Variants in PAPOLG observed in about 807,000 individuals in gnomAD.
PAPOLG encodes poly(A) polymerase gamma.
PAPOLG carries 40 observed loss-of-function variants against 99.0 expected under a neutral mutation model. The observed-to-expected ratio is 0.40, with a 90% confidence interval of 0.31 to 0.53. The LOEUF (loss-of-function observed/expected upper bound fraction) is 0.53, where lower values mean the gene tolerates loss of function less well. Among genes scored for constraint, PAPOLG ranks in the 20% least tolerant of loss-of-function variants. The probability of loss-of-function intolerance (pLI) is 0.41; values close to 1 mark genes in which losing one functional copy is unlikely to be tolerated. For missense variants in PAPOLG, 675 were observed against 884.1 expected (o/e 0.76, Z 3.00); for synonymous variants, 310 against 299.3 (o/e 1.04, Z -0.37).
chr2:60,787,348 A>T (rs1022106402), intron 14 of PAPOLG, 163 bp from the exon 15 acceptor site: 1 of 445,978 alleles, frequency 2.2e-6, no homozygotes, highest in East Asian at 1.6e-4. Context: ...AACAGGGGAT[A>T]ACTTACCAGT....
chr2:60,782,419 T>A (rs1671216280), intron 11 of PAPOLG, among the ~76,000 whole-genome samples: 1 of 151,840 alleles, frequency 6.6e-6, no homozygotes, highest in African/African-American at 2.4e-5. Context: ...TAGCCGGAAG[T>A]GGTGGTGGGC....
chr2:60,783,267 T>C (rs1419512374), intron 13 of PAPOLG, 58 bp downstream of exon 13: 5 of 1,041,934 alleles, frequency 4.8e-6, no homozygotes, highest in Non-Finnish European at 7.0e-6. Flanking sequence ...CTTATTTATA[T>C]GGTGCTTTAC....
At chr2:60,770,416 G>T in intron 5 of PAPOLG, 42 bp from the exon 6 acceptor site, 2 of 1,512,184 alleles carry the variant, frequency 1.3e-6, no homozygotes, top group Non-Finnish European at 1.8e-6. Flanking sequence ...GGATAAAGAA[G>T]GGATTACACC....
Position 60,794,901 on chromosome 2 carries a change from T to G in PAPOLG, c.2056-63T>G. On this transcript the variant is annotated intron_variant, in intron 20 of 21. Coordinates refer to ENST00000238714, the MANE Select transcript of PAPOLG (RefSeq NM_022894.4). ...GGTTTTCGTTAGGTTTTATTTTAAG[T>G]AGAAATAAGTGTTTGCATATAGGAA... 4.4e-6 allele frequency: 7 copies of G among 1,590,616 alleles called. No homozygotes were observed. The highest frequency in any genetic ancestry group is 5.2e-6 in the Non-Finnish European group (6 of 1,164,542).
At position 60,801,768 on chromosome 2, in the gene PAPOLG, A is replaced by G. The variant is rs1246928421; in HGVS notation, c.*4608A>G. On this transcript the variant is annotated 3_prime_UTR_variant, in exon 22 of 22. Transcript: ENST00000238714. ...TTTTTTCTGAAATAATTTTTCGGAT[A>G]TACTTTTATATTTGAAATTAGTTGA... 1 of 152,222 alleles carries G rather than the reference A, an allele frequency of 6.6e-6. No individual in the cohort carries two copies. The highest frequency in any genetic ancestry group is 6.5e-5 in the Admixed American group (1 of 15,270). 9.4% of individuals were successfully genotyped at this position (152,222 alleles called of 1,614,324 possible). A position where few individuals can be genotyped will look rare whatever the true frequency, so the allele number is the denominator to read the frequency against.
In PAPOLG at chr2:60,760,117, C is replaced by A; in HGVS notation, c.18-17C>A. 6.2e-7 allele frequency: 1 copy of A among 1,608,900 alleles called. No individual in the cohort carries two copies. Among genetic ancestry groups the A allele is most frequent in the Non-Finnish European group, 8.5e-7 (1 of 1,177,784 alleles). ...ACTTTAAATTTTTTGTTTCATTTTT[C>A]TTATTTTCTTGAACAGAAACACCGT... On this transcript the variant is annotated splice_polypyrimidine_tract_variant and intron_variant, in intron 1 of 21. Transcript: ENST00000238714.
intron 3 of PAPOLG, among the ~76,000 whole-genome samples, chr2:60,763,786 G>A (rs1670592948): frequency 6.6e-6 from 1 of 151,170 alleles, no homozygotes; most frequent in Non-Finnish European, 1.5e-5. Flanking sequence ...TTACAGGTGT[G>A]AGCCATCACA....
chr2:60,789,048 A>G (rs1013649630), intron 15 of PAPOLG, among the ~76,000 whole-genome samples: 9 of 152,230 alleles, frequency 5.9e-5, no homozygotes, highest in African/African-American at 2.2e-4. Flanking sequence ...GAAATTGGAA[A>G]TCATCATTCT....
chr2:60,779,365 A>G lies in PAPOLG; in HGVS notation c.695-272A>G, dbSNP rs190047879. 7.9e-4 allele frequency among the ~76,000 whole-genome samples: 120 copies of G among 152,358 alleles called. No homozygotes were observed. In the Middle Eastern group the frequency reaches 0.017, roughly 22 times the overall value. ...CCAGTTGGGCAGTTGGAACTGAGGC[A>G]AAGAACTGAGGTGTCTGTATTAGAA... On this transcript the variant is annotated intron_variant, in intron 8 of 21. Transcript: ENST00000238714.
chr2:60,794,934 T>C, intron 20 of PAPOLG, 30 bp from the exon 21 acceptor site: 1 of 1,609,092 alleles, frequency 6.2e-7, no homozygotes, highest in Non-Finnish European at 8.5e-7. Context: ...GAAAGTTAGT[T>C]TTCACTTGTG....
intron 3 of PAPOLG, 106 bp from the exon 4 acceptor site, chr2:60,768,364 A>G: frequency 1.7e-6 from 2 of 1,157,354 alleles, no homozygotes; most frequent in Non-Finnish European, 2.5e-6. Flanking sequence ...GGCCTCCTAT[A>G]GTGCTGGGAT....
At chr2:60,778,086 C>T (rs1007559967) in intron 8 of PAPOLG, among the ~76,000 whole-genome samples, 1 of 152,162 alleles carries the variant, frequency 6.6e-6, no homozygotes, top group Non-Finnish European at 1.5e-5. Context: ...TTGTAAAAAA[C>T]TCAGTATCTG....
rs776435633 is a variant in PAPOLG, at chr2:60,783,146, A to T, written c.1113-10A>T. On this transcript the variant is annotated splice_polypyrimidine_tract_variant and intron_variant, in intron 12 of 21. Transcript: ENST00000238714. ...GCTTTTTTTCCTGATTGTTGCTGAA[A>T]ATTCTTCAGACATTATATAGTATTG... 37 of 1,558,080 alleles carry T rather than the reference A, an allele frequency of 2.4e-5. No individual in the cohort carries two copies. Among genetic ancestry groups the T allele is most frequent in the Non-Finnish European group, 3.1e-5 (36 of 1,158,040 alleles).
intron 5 of PAPOLG, 97 bp downstream of exon 5, chr2:60,768,987 C>A (rs1390457260): frequency 1.1e-6 from 1 of 877,990 alleles, no homozygotes; most frequent in Non-Finnish European, 1.7e-6. Context: ...TTCTAAGTTA[C>A]TATTAGGAGG....
chr2:60,760,283 A>G lies in PAPOLG; in HGVS notation c.167A>G (p.Glu56Gly). ...KPFGVFEDEE[E>G]LNHRLVVLGK... ...TTTGGAGTGTTTGAAGATGAGGAAG[A>G]ATTGAACCACAGGTATGTCATTGAA... is the stretch of plus-strand genomic sequence containing the variant. Residue 56 changes from glutamate (E) to glycine (G), a missense_variant, in exon 2 of 22, where the codon GAA (glutamate) becomes GGA (glycine). By Grantham distance (98) the Glu-to-Gly change is moderately conservative. This residue lies in a region of PAPOLG where 149 missense variants were observed against 192.1 expected (regional missense o/e 0.78). Transcript: ENST00000238714. The G allele has an allele frequency of 6.2e-7, 1 of 1,612,500 alleles. No individual in the cohort carries two copies. Among genetic ancestry groups the G allele is most frequent in the Non-Finnish European group, 8.5e-7 (1 of 1,178,908 alleles).
At chr2:60,779,972 G>C (rs1025385985) in intron 9 of PAPOLG, among the ~76,000 whole-genome samples, 197 bp downstream of exon 9, 1 of 152,198 alleles carries the variant, frequency 6.6e-6, no homozygotes, top group Non-Finnish European at 1.5e-5. Context: ...GTAAATGTGG[G>C]CCTTTAGCTT....
intron 18 of PAPOLG, 82 bp downstream of exon 18, chr2:60,793,797 G>C (rs913713669): frequency 6.6e-7 from 1 of 1,510,282 alleles, no homozygotes; most frequent in East Asian, 2.5e-5. Context: ...TGTAGTCCTA[G>C]CTACTGGGGA....
chr2:60,766,399 C>A (rs1396101907), intron 3 of PAPOLG, among the ~76,000 whole-genome samples: 1 of 152,156 alleles, frequency 6.6e-6, no homozygotes, highest in Non-Finnish European at 1.5e-5. Flanking sequence ...CATGGTGGCT[C>A]ATGCCTGTGA....
chr2:60,760,392 G>A, intron 2 of PAPOLG, 97 bp downstream of exon 2: 2 of 1,206,158 alleles, frequency 1.7e-6, no homozygotes, highest in Non-Finnish European at 2.3e-6. Context: ...AGATACAGGT[G>A]CAGAAATGAC....
Sources: allele counts gnomAD v4.1 joint callset (sites outside exome capture counted in the v4.1 genomes callset), GRCh38; gene constraint gnomAD v4.1.1; regional missense constraint gnomAD v4.1.1; transcripts MANE v1.5; gene names NCBI Gene and HGNC (gene_info 2026-07-23, HGNC 2026-07-21).